NPAS1: variants seen among roughly 807,000 people sequenced by gnomAD.
NPAS1 encodes the protein neuronal PAS domain protein 1.
Under a neutral mutation model 49.2 loss-of-function variants are expected in NPAS1, and 29 were observed. That is an observed-to-expected ratio of 0.59 (90% confidence interval 0.44 to 0.80). NPAS1 has a LOEUF of 0.80. Among genes scored for constraint, NPAS1 ranks in the 30% least tolerant of loss-of-function variants. The pLI is 0.00. For synonymous variants in NPAS1, 408 were observed against 380.4 expected, an observed-to-expected ratio of 1.07 and a Z score of -0.84; for missense variants, 825 against 835.5, an observed-to-expected ratio of 0.99 and a Z score of 0.15.
intron 9 of NPAS1, 197 bp from the exon 10 acceptor site, chr19:47,040,781 A>G (rs1376061522): frequency 3.3e-5 from 20 of 610,034 alleles, no homozygotes. Context: ...AAAACACCCA[A>G]GAGGCCTCGC....
chr19:47,042,509 C>T (rs927584063), intron 10 of NPAS1, among the ~76,000 whole-genome samples: 3 of 152,112 alleles, frequency 2.0e-5, no homozygotes, highest in Non-Finnish European at 2.9e-5. Context: ...CTGAGAGGAA[C>T]AGCAGGTTTG....
intron 6 of NPAS1, 36 bp downstream of exon 6, chr19:47,036,165 G>T: frequency 5.2e-6 from 8 of 1,544,752 alleles, no homozygotes; most frequent in Non-Finnish European, 7.0e-6. Context: ...GAAGTCTGAG[G>T]GTAGATCGGG....
intron 11 of NPAS1, 63 bp downstream of exon 11, chr19:47,042,967 C>G (rs2057037959): frequency 7.7e-7 from 1 of 1,303,882 alleles, no homozygotes; most frequent in Non-Finnish European, 1.0e-6. Flanking sequence ...TCCTGGCTGT[C>G]CATTCCAGAA....
At position 47,040,990 on chromosome 19, in the gene NPAS1, G is replaced by T; in HGVS notation, c.1082G>T (p.Gly361Val). Residue 361 changes from glycine (G) to valine (V), a missense_variant, in exon 10 of 12, where the codon GGT (glycine) becomes GTT (valine). By Grantham distance (109) the Gly-to-Val change is moderately radical (BLOSUM62 -3). Transcript: ENST00000602212. ...RQSHVDLLDK[G>V]QVMTGYYRWL... ...GGGCTGGGCCCAGTGCTGGACAAGG[G>T]TCAGGTGATGACTGGTTACTACCGT... 6.6e-7 allele frequency: 1 copy of T among 1,507,920 alleles called. No homozygotes were observed. Among genetic ancestry groups the T allele is most frequent in the Non-Finnish European group, 8.9e-7 (1 of 1,127,346 alleles). The allele number at this position is 1,507,920 out of a possible 1,614,324, so 93.4% of individuals were successfully genotyped here.
chr19:47,042,983 T>G, intron 11 of NPAS1, 79 bp downstream of exon 11: 1 of 1,080,616 alleles, frequency 9.3e-7, no homozygotes, highest in Non-Finnish European at 1.3e-6. Context: ...CAGAAGCCAC[T>G]AGCCACATGC....
intron 3 of NPAS1, among the ~76,000 whole-genome samples, chr19:47,029,590 A>G (rs4802329): frequency 0.85 from 128,566 of 151,784 alleles, 54,879 homozygotes; most frequent in African/African-American, 0.95. Flanking sequence ...TGGTAGAGAC[A>G]AAGTTTCACC....
chr19:47,031,312 C>A (rs1208281941), intron 3 of NPAS1, among the ~76,000 whole-genome samples: 1 of 151,496 alleles, frequency 6.6e-6, no homozygotes, highest in Non-Finnish European at 1.5e-5. Flanking sequence ...GATCCTCCTA[C>A]CTAGCCTCCT....
intron 3 of NPAS1, among the ~76,000 whole-genome samples, chr19:47,026,675 G>A: frequency 6.6e-6 from 1 of 152,078 alleles, no homozygotes; most frequent in Non-Finnish European, 1.5e-5. Flanking sequence ...GAAAAGTGCG[G>A]CCGGGGCGGT....
chr19:47,040,587 C>G (rs200816795), intron 9 of NPAS1, 37 bp downstream of exon 9: 2 of 1,398,514 alleles, frequency 1.4e-6, no homozygotes, highest in East Asian at 2.5e-5. Flanking sequence ...CTGCCTACCA[C>G]CCCCCAGACC....
intron 3 of NPAS1, among the ~76,000 whole-genome samples, chr19:47,024,809 C>CTTT (rs774304674): frequency 0.013 from 1,761 of 133,528 alleles, 30 homozygotes; most frequent in African/African-American, 0.043. Flanking sequence ...TTCCCTATTG[C>CTTT]TTTTTTTTTT....
At chr19:47,033,533 G>A (rs999950523) in intron 5 of NPAS1, among the ~76,000 whole-genome samples, 1 of 152,048 alleles carries the variant, frequency 6.6e-6, no homozygotes, top group Non-Finnish European at 1.5e-5. Context: ...GAGCCACCGC[G>A]CCCAGCCTGA....
chr19:47,037,037 CAG>C (rs1406195413), intron 6 of NPAS1, among the ~76,000 whole-genome samples: 1 of 134,748 alleles, frequency 7.4e-6, no homozygotes, highest in Non-Finnish European at 1.6e-5. Context: ...GCCCGGGTGA[CAG>C]AGCCAGTGTC....
In NPAS1 at chr19:47,025,227, G is replaced by C. The variant is rs548642922; in HGVS notation, c.358+3380G>C. Among the ~76,000 whole-genome samples the C allele has an allele frequency of 3.1e-4, 42 of 135,870 alleles. 13 individuals carry two copies. The South Asian group carries it at 7.6e-3, about 25-fold the overall frequency. The allele number at this position is 135,870 out of a possible 152,430, so 89.1% of individuals were successfully genotyped here. ...GAGTAGCATCTGGGACACAATGAAGGCTTACTAAATTGTTGAGTGACTGTG... is the reference window on the plus strand; with the variant it reads ...GAGTAGCATCTGGGACACAATGAAGCCTTACTAAATTGTTGAGTGACTGTG... On this transcript the variant is annotated intron_variant, in intron 3 of 11. Transcript: ENST00000602212.
chr19:47,039,466 C>A lies in NPAS1; in HGVS notation c.864C>A (p.His288Gln). 1 of 1,611,112 alleles carries A rather than the reference C, an allele frequency of 6.2e-7. No homozygotes were observed. The highest frequency in any genetic ancestry group is 1.7e-5 in the Admixed American group (1 of 59,740). ...AHALGLVALG[H>Q]TLPPAPLAEL... Reference sequence around the variant, plus strand: ...CCCTGGGCCTTGTGGCCCTCGGGCACACGTTGCCCCCGGCCCCCCTGGCTG... The same window carrying A: ...CCCTGGGCCTTGTGGCCCTCGGGCAAACGTTGCCCCCGGCCCCCCTGGCTG... Residue 288 changes from histidine (H) to glutamine (Q), a missense_variant, in exon 8 of 12, where the codon CAC (histidine) becomes CAA (glutamine). By Grantham distance (24) the His-to-Gln change is conservative (BLOSUM62 0). Transcript: ENST00000602212.
At position 47,032,290 on chromosome 19, in the gene NPAS1, G is replaced by A. The variant is rs138366096; in HGVS notation, c.371G>A (p.Arg124His). ...GPPAGLAPGR[R>H]GPAALVSEVF... ...CCATCTGCCCCAGCCCCAGGCCGCC[G>A]CGGCCCCGCAGCGCTGGTCTCCGAA... The change falls in exon 4 of 12, where the codon CGC (arginine) becomes CAC (histidine). Residue 124 changes from arginine to histidine, a missense_variant. By Grantham distance (29) the Arg-to-His change is conservative (BLOSUM62 0). Coordinates refer to ENST00000602212, the MANE Select transcript of NPAS1 (RefSeq NM_002517.4). 2.2e-3 allele frequency: 3,571 copies of A among 1,613,890 alleles called. 11 individuals are homozygous for A. The highest frequency in any genetic ancestry group is 2.9e-3 in the Admixed American group (175 of 60,004).
At chr19:47,038,030 G>A (rs910000498) in intron 6 of NPAS1, among the ~76,000 whole-genome samples, 4 of 152,194 alleles carry the variant, frequency 2.6e-5, no homozygotes, top group Non-Finnish European at 4.4e-5. Context: ...ACCCAGATGG[G>A]GCAGGGCTGG....
intron 3 of NPAS1, among the ~76,000 whole-genome samples, chr19:47,023,792 A>G (rs2056856145): frequency 6.6e-6 from 1 of 152,044 alleles, no homozygotes; most frequent in Non-Finnish European, 1.5e-5. Context: ...GGGCAATATA[A>G]CAAAACCATG....
chr19:47,021,199 G>GACCC lies in NPAS1; in HGVS notation c.122+30_122+31insACCC. 1 of 1,496,012 alleles carries GACCC rather than the reference G, an allele frequency of 6.7e-7. No homozygotes were observed. The highest frequency in any genetic ancestry group is 1.4e-5 in the African/African-American group (1 of 69,890). The allele number at this position is 1,496,012 out of a possible 1,614,324, so 92.7% of individuals were successfully genotyped here. A position where few individuals can be genotyped will look rare whatever the true frequency, so the allele number is the denominator to read the frequency against. Reference sequence around the variant, plus strand: ...GCAAAGCCCCGCCCCCCTGGCCGCGGGCCCCCCCCCGGGTCCAATTCACAC... The same window carrying GACCC: ...GCAAAGCCCCGCCCCCCTGGCCGCGGACCCGCCCCCCCCCGGGTCCAATTCACAC... On this transcript the variant is annotated intron_variant, in intron 2 of 11. Transcript: ENST00000602212. The surrounding 1 kb of genome is among the most constrained non-coding windows in gnomAD (Gnocchi z 5.7).
intron 5 of NPAS1, among the ~76,000 whole-genome samples, chr19:47,034,557 C>A (rs2056933168): frequency 6.6e-6 from 1 of 151,912 alleles, no homozygotes; most frequent in African/African-American, 2.4e-5. Context: ...GGAATTTGGA[C>A]AAGAGGACGG....
Sources: allele counts gnomAD v4.1 joint callset (sites outside exome capture counted in the v4.1 genomes callset), GRCh38; gene constraint gnomAD v4.1.1; non-coding constraint Gnocchi (gnomAD v3.1); transcripts MANE v1.5; gene names NCBI Gene and HGNC (gene_info 2026-07-23, HGNC 2026-07-21).